The following RBMS1 variants were observed in gnomAD, a reference collection of about 807,000 sequenced individuals.
RBMS1 encodes RNA-binding motif, single-stranded-interacting protein 1.
Under a neutral mutation model 62.3 loss-of-function variants are expected in RBMS1, and 17 were observed. The ratio of observed to expected loss-of-function variants is 0.27; its 90% CI spans 0.19 to 0.41. The LOEUF (loss-of-function observed/expected upper bound fraction) is 0.41. RBMS1 is among the 10% of genes least tolerant of loss of function. The pLI is 1.00. For synonymous variants in RBMS1, 172 were observed against 170.0 expected (o/e 1.01, Z -0.09); for missense variants, 334 against 504.5 (o/e 0.66, Z 3.24).
chr2:160,446,028 T>A (rs6414062), intron 1 of RBMS1, among the ~76,000 whole-genome samples: 76,750 of 152,028 alleles, frequency 0.5, 20,486 homozygotes, highest in Admixed American at 0.63. Flanking sequence ...TGTCAAGTGG[T>A]TAACTCCAGG....
intron 6 of RBMS1, among the ~76,000 whole-genome samples, chr2:160,298,417 G>A (rs953788560): frequency 7.9e-5 from 12 of 152,136 alleles, no homozygotes; most frequent in Non-Finnish European, 1.5e-4. Flanking sequence ...GAGAGTCAAT[G>A]ACTATGAATA....
At chr2:160,348,968 A>G (rs1559421924) in intron 2 of RBMS1, among the ~76,000 whole-genome samples, 1 of 152,112 alleles carries the variant, frequency 6.6e-6, no homozygotes, top group Non-Finnish European at 1.5e-5. Flanking sequence ...AAAAAATCTG[A>G]AACAAGCAAG....
Position 160,273,226 on chromosome 2 carries a change from C to G in RBMS1, c.*1546G>C, listed in dbSNP as rs531173375. 2.0e-5 allele frequency: 3 copies of G among 152,308 alleles called. No homozygotes were observed. Among genetic ancestry groups the G allele is most frequent in the African/African-American group, 7.2e-5 (3 of 41,554 alleles). The allele number at this position is 152,308 out of a possible 1,614,324, so 9.4% of individuals were successfully genotyped here. On this transcript the variant is annotated 3_prime_UTR_variant, in exon 14 of 14. Coordinates refer to ENST00000348849, the MANE Select transcript of RBMS1 (RefSeq NM_016836.4). ...AATTGGTTTTCTTTACACTTGAACA[C>G]TTGTAGTGATGATGTAAAGTGTGGC...
chr2:160,454,701 C>T (rs938390357), intron 1 of RBMS1, among the ~76,000 whole-genome samples: 2 of 152,162 alleles, frequency 1.3e-5, no homozygotes, highest in South Asian at 2.1e-4. Context: ...CTCTAAGGAG[C>T]TGGTCCTGTG....
intron 1 of RBMS1, among the ~76,000 whole-genome samples, chr2:160,485,833 A>C (rs1419570378): frequency 2.0e-5 from 3 of 152,146 alleles, no homozygotes; most frequent in African/African-American, 7.2e-5. Flanking sequence ...GAAACAATGA[A>C]ATTAATCAGA....
At chr2:160,427,201 C>T (rs970724159) in intron 1 of RBMS1, among the ~76,000 whole-genome samples, 8 of 152,030 alleles carry the variant, frequency 5.3e-5, no homozygotes, top group African/African-American at 1.2e-4. Context: ...ATCCAAGTTA[C>T]GTTAATACAA....
At chr2:160,388,828 A>C (rs1397588795) in intron 1 of RBMS1, among the ~76,000 whole-genome samples, 1 of 152,240 alleles carries the variant, frequency 6.6e-6, no homozygotes, top group African/African-American at 2.4e-5. Context: ...TTCCTAGGTT[A>C]ACAGGTCTAC....
intron 6 of RBMS1, among the ~76,000 whole-genome samples, chr2:160,299,499 T>C (rs934953099): frequency 5.4e-5 from 8 of 148,710 alleles, no homozygotes; most frequent in Non-Finnish European, 1.2e-4. Context: ...AAATCAAATT[T>C]CTCGGCTTTG....
At chr2:160,417,755 T>C (rs12621151) in intron 1 of RBMS1, among the ~76,000 whole-genome samples, 41,146 of 152,144 alleles carry the variant, frequency 0.27, 6,174 homozygotes, top group East Asian at 0.59. Flanking sequence ...AGCATGCAAA[T>C]GCATATCCAT....
intron 4 of RBMS1, among the ~76,000 whole-genome samples, chr2:160,311,236 A>ATATCTATATATATC (rs1303110202): frequency 1.3e-4 from 8 of 60,720 alleles, no homozygotes; most frequent in Non-Finnish European, 2.5e-4. Context: ...ATCTATCTAT[A>ATATCTATATATATC]TATATATATA....
Position 160,493,511 on chromosome 2 carries a change from G to T in RBMS1, c.-148C>A. 4.5e-6 allele frequency: 3 copies of T among 664,676 alleles called. No individual in the cohort carries two copies. The highest frequency in any genetic ancestry group is 8.0e-6 in the Non-Finnish European group (3 of 376,482). The allele number at this position is 664,676 out of a possible 1,614,324, so 41.2% of individuals were successfully genotyped here. ...GCTGCCGCTGCTCCACCTCCCAGCC[G>T]GGACCAGACGTCCTCCTCCTCCTCC... is the stretch of plus-strand genomic sequence containing the variant. On this transcript the variant is annotated 5_prime_UTR_variant, in exon 1 of 14. Transcript: ENST00000348849.
intron 1 of RBMS1, among the ~76,000 whole-genome samples, chr2:160,394,493 C>A (rs1053397912): frequency 1.3e-5 from 2 of 152,164 alleles, no homozygotes; most frequent in African/African-American, 4.8e-5. Context: ...TTTTCCAGAT[C>A]ACTGACATTT....
chr2:160,383,794 T>A (rs558943008), intron 1 of RBMS1, among the ~76,000 whole-genome samples: 1 of 152,366 alleles, frequency 6.6e-6, no homozygotes, highest in South Asian at 2.1e-4. Context: ...ACCAATGAGT[T>A]CTTTAACCAT....
chr2:160,276,873 T>C (rs915993940), intron 12 of RBMS1, among the ~76,000 whole-genome samples: 2 of 152,210 alleles, frequency 1.3e-5, no homozygotes, highest in African/African-American at 2.4e-5. Flanking sequence ...AAAGGCACTA[T>C]AGGCTTAGAA....
chr2:160,389,698 CAAAAAAAAA>C lies in RBMS1; in HGVS notation c.76-22316_76-22308del, dbSNP rs61570926. On this transcript the variant is annotated intron_variant, in intron 1 of 13. Transcript: ENST00000348849. Reference sequence around the variant, plus strand: ...AGGCAACAGAGCAAGACTCTTGTCTCAAAAAAAAAAAAAAAAAAAAAAAAAAAAAAGGCA... The same window carrying C: ...AGGCAACAGAGCAAGACTCTTGTCTCAAAAAAAAAAAAAAAAAAAAAGGCA... Among the ~76,000 whole-genome samples, 22 of 50,376 alleles carry C rather than the reference CAAAAAAAAA, an allele frequency of 4.4e-4. 1 individual carries two copies. The highest frequency in any genetic ancestry group is 1.6e-3 in the African/African-American group (18 of 11,432). The allele number at this position is 50,376 out of a possible 152,430, so 33.0% of individuals were successfully genotyped here.
At position 160,438,369 on chromosome 2, in the gene RBMS1, C is replaced by T. The variant is rs956490243; in HGVS notation, c.75+54920G>A. On this transcript the variant is annotated intron_variant, in intron 1 of 13. Transcript: ENST00000348849. ...GAAGGTCAGCAGATAAACAAGTGAA[C>T]AAAGGTCTCTGGTTTTCCTAGGCAG... 4.7e-5 allele frequency among the ~76,000 whole-genome samples: 7 copies of T among 150,276 alleles called. No individual in the cohort carries two copies. The Admixed American group carries it at 4.7e-4, about 10-fold the overall frequency.
intron 2 of RBMS1, among the ~76,000 whole-genome samples, chr2:160,356,315 T>C (rs961483871): frequency 2.6e-5 from 4 of 152,142 alleles, no homozygotes; most frequent in African/African-American, 9.7e-5. Flanking sequence ...GTTTTTTATT[T>C]TATTGGCTAT....
chr2:160,354,015 G>A (rs1157331895), intron 2 of RBMS1, among the ~76,000 whole-genome samples: 1 of 152,080 alleles, frequency 6.6e-6, no homozygotes, highest in Non-Finnish European at 1.5e-5. Flanking sequence ...GGGGCCAGGT[G>A]GAAAGCTCTG....
intron 4 of RBMS1, among the ~76,000 whole-genome samples, chr2:160,312,831 A>AC (rs973212435): frequency 1.3e-5 from 2 of 152,092 alleles, no homozygotes; most frequent in Admixed American, 6.6e-5. Flanking sequence ...TAAAAAAAAA[A>AC]AAAACAGTAC....
Sources: allele counts gnomAD v4.1 joint callset (sites outside exome capture counted in the v4.1 genomes callset), GRCh38; gene constraint gnomAD v4.1.1; transcripts MANE v1.5; gene names NCBI Gene and HGNC (gene_info 2026-07-23, HGNC 2026-07-21).